RPAP2: variants seen among roughly 807,000 people sequenced by gnomAD.
RPAP2 encodes the protein RNA polymerase II associated protein 2.
A neutral mutation model predicts 73.1 loss-of-function variants in RPAP2; 52 were observed. The ratio of observed to expected loss-of-function variants is 0.71; its 90% CI spans 0.57 to 0.90. The LOEUF (loss-of-function observed/expected upper bound fraction) is 0.90, where lower values mean the gene tolerates loss of function less well. Among genes scored for constraint, RPAP2 ranks in the 40% least tolerant of loss-of-function variants. RPAP2 has a pLI of 0.00. For synonymous variants in RPAP2, 225 were observed against 242.1 expected (o/e 0.93, Z 0.65); for missense variants, 598 against 701.8 (o/e 0.85, Z 1.67).
chr1:92,323,606 C>T lies in RPAP2; in HGVS notation c.686C>T (p.Pro229Leu), dbSNP rs1174761256. ...NEQDFVSSIL[P>L]GNRPNSTNIR... Reference sequence around the variant, plus strand: ...CAAGACTTTGTTTCCTCCATTCTACCAGGAAACAGACCAAATTCAACAAAT... The same window carrying T: ...CAAGACTTTGTTTCCTCCATTCTACTAGGAAACAGACCAAATTCAACAAAT... Residue 229 changes from proline (P) to leucine (L), a missense_variant, in exon 8 of 13, where the codon CCA (proline) becomes CTA (leucine). By Grantham distance (98) the Pro-to-Leu change is moderately conservative. Around this residue, in one of 3 missense-constraint regions of RPAP2, gnomAD observed 506 missense variants for 612.8 expected, o/e 0.83. Transcript: ENST00000610020. 5.0e-6 allele frequency: 8 copies of T among 1,613,844 alleles called. No homozygotes were observed. The African/African-American group carries it at 1.1e-4, about 22-fold the overall frequency.
chr1:92,299,550 T>TC (rs1381856959), intron 1 of RPAP2, among the ~76,000 whole-genome samples: 1 of 152,004 alleles, frequency 6.6e-6, no homozygotes. Flanking sequence ...ACTCCCCTCT[T>TC]CCCCCAGAGA....
Position 92,390,045 on chromosome 1 carries a change from C to T in RPAP2, c.*3034C>T, listed in dbSNP as rs564008832. 4 of 152,262 alleles carry T rather than the reference C, an allele frequency of 2.6e-5. No individual in the cohort carries two copies. Among genetic ancestry groups the T allele is most frequent in the South Asian group, 2.1e-4 (1 of 4,826 alleles). 9.4% of individuals were successfully genotyped at this position (152,262 alleles called of 1,614,324 possible). ...ATTCAAATTCAGGAAATACAGAGAA[C>T]ACCACAAAGATACTCCTCAAGAAGA... On this transcript the variant is annotated 3_prime_UTR_variant, in exon 13 of 13. Transcript: ENST00000610020.
chr1:92,379,541 A>C (rs1238608119), intron 11 of RPAP2, among the ~76,000 whole-genome samples: 1 of 152,226 alleles, frequency 6.6e-6, no homozygotes, highest in African/African-American at 2.4e-5. Flanking sequence ...AATCTTTAGG[A>C]GTACTTACTG....
At chr1:92,377,261 C>T (rs1655417419) in intron 11 of RPAP2, among the ~76,000 whole-genome samples, 1 of 151,928 alleles carries the variant, frequency 6.6e-6, no homozygotes, top group Non-Finnish European at 1.5e-5. Flanking sequence ...TGGCTCATGC[C>T]TGTAATCTCA....
chr1:92,343,107 T>G (rs1653689058), intron 10 of RPAP2, among the ~76,000 whole-genome samples: 1 of 151,214 alleles, frequency 6.6e-6, no homozygotes, highest in African/African-American at 2.4e-5. Context: ...AGAAGAGACC[T>G]AAGGCCAGAG....
chr1:92,341,705 C>T (rs1025339303), intron 10 of RPAP2, among the ~76,000 whole-genome samples: 12 of 152,182 alleles, frequency 7.9e-5, no homozygotes, highest in African/African-American at 1.7e-4. Flanking sequence ...AGTGCAGTGG[C>T]ATAATCTTGG....
chr1:92,377,516 C>CAAAAAAAAAAAAAAAAAAAAAAAA (rs530908177), intron 11 of RPAP2, among the ~76,000 whole-genome samples: 1 of 76,608 alleles, frequency 1.3e-5, no homozygotes, highest in African/African-American at 5.3e-5. Flanking sequence ...AACTTTGTCT[C>CAAAAAAAAAAAAAAAAAAAAAAAA]AAAAAAAAAA....
At chr1:92,351,467 T>C (rs1393245194) in intron 11 of RPAP2, among the ~76,000 whole-genome samples, 1 of 152,146 alleles carries the variant, frequency 6.6e-6, no homozygotes, top group Non-Finnish European at 1.5e-5. Context: ...CTTTTAATCA[T>C]GGTCACAGTA....
intron 11 of RPAP2, among the ~76,000 whole-genome samples, chr1:92,357,872 T>C (rs1389855531): frequency 6.6e-6 from 1 of 152,202 alleles, no homozygotes; most frequent in African/African-American, 2.4e-5. Context: ...CTTAATTCAG[T>C]GGGTAATGAA....
At chr1:92,338,371 C>T (rs1023282464) in intron 10 of RPAP2, among the ~76,000 whole-genome samples, 1 of 152,202 alleles carries the variant, frequency 6.6e-6, no homozygotes, top group Admixed American at 6.5e-5. Context: ...AAGTCCAAAG[C>T]TGAACTTGTC....
chr1:92,387,036 A>C lies in RPAP2; in HGVS notation c.*25A>C. 10 of 1,584,690 alleles carry C rather than the reference A, an allele frequency of 6.3e-6. No individual in the cohort carries two copies. Among genetic ancestry groups the C allele is most frequent in the Non-Finnish European group, 8.6e-6 (10 of 1,159,784 alleles). On this transcript the variant is annotated 3_prime_UTR_variant, in exon 13 of 13. Coordinates refer to ENST00000610020, the MANE Select transcript of RPAP2 (RefSeq NM_024813.3). ...ATATATTCCATGAAGACAAAATAGAAGATGAACTTCTATTCACCGTTTCTG... is the reference window on the plus strand; with the variant it reads ...ATATATTCCATGAAGACAAAATAGACGATGAACTTCTATTCACCGTTTCTG...
At position 92,382,887 on chromosome 1, in the gene RPAP2, T is replaced by C. The variant is rs1177174873; in HGVS notation, c.1838+2014T>C. ...GTATTGCCTAGGTTTTCTTCTAGGG[T>C]TTTTATGGTTTTAGGTCTAACATGT... is the stretch of plus-strand genomic sequence containing the variant. On this transcript the variant is annotated intron_variant, in intron 12 of 12. Transcript: ENST00000610020. Among the ~76,000 whole-genome samples, 4 of 152,054 alleles carry C rather than the reference T, an allele frequency of 2.6e-5. No individual in the cohort carries two copies. The East Asian group carries it at 7.7e-4, about 29-fold the overall frequency.
At chr1:92,300,410 C>G (rs1650747173) in intron 2 of RPAP2, among the ~76,000 whole-genome samples, 171 bp downstream of exon 2, 1 of 151,980 alleles carries the variant, frequency 6.6e-6, no homozygotes, top group Non-Finnish European at 1.5e-5. Context: ...TTACATTCCT[C>G]TACTCCAGGC....
At chr1:92,335,106 G>A (rs1191049511) in intron 9 of RPAP2, among the ~76,000 whole-genome samples, 1 of 152,152 alleles carries the variant, frequency 6.6e-6, no homozygotes, top group Non-Finnish European at 1.5e-5. Context: ...GATTATGCTC[G>A]TGATTAAACT....
At chr1:92,363,069 A>C (rs111573731) in intron 11 of RPAP2, among the ~76,000 whole-genome samples, 1 of 152,090 alleles carries the variant, frequency 6.6e-6, no homozygotes. Flanking sequence ...CTCCAGGGGG[A>C]AAAAAATGCA....
chr1:92,309,975 A>G (rs1651494057), intron 6 of RPAP2, among the ~76,000 whole-genome samples: 1 of 152,242 alleles, frequency 6.6e-6, no homozygotes, highest in Admixed American at 6.5e-5. Flanking sequence ...AAGAATCATA[A>G]TTAAAAGAGC....
intron 11 of RPAP2, among the ~76,000 whole-genome samples, chr1:92,348,711 A>G (rs1055580990): frequency 3.3e-5 from 5 of 152,104 alleles, no homozygotes; most frequent in Non-Finnish European, 7.4e-5. Context: ...TCACCTTTTT[A>G]TAGCAAATAC....
chr1:92,348,110 C>T (rs557106489), intron 11 of RPAP2, among the ~76,000 whole-genome samples: 18 of 152,216 alleles, frequency 1.2e-4, no homozygotes, highest in Admixed American at 9.8e-4. Context: ...AGGCTGGTCT[C>T]GAACTCCTGA....
In RPAP2 at chr1:92,323,712, A is replaced by G; in HGVS notation, c.792A>G (p.Glu264=). 6.2e-7 allele frequency: 1 copy of G among 1,614,124 alleles called. No homozygotes were observed. The highest frequency in any genetic ancestry group is 8.5e-7 in the Non-Finnish European group (1 of 1,179,994). ...HKANSKHKDK[E]QTVVDVTEQL... ...CTAACTCCAAACACAAAGACAAAGA[A>G]CAGACAGTAGTAGATGTCACTGAGC... The change falls in exon 8 of 13, where the codon GAA becomes GAG. Residue 264 remains glutamate, a synonymous_variant. Coordinates refer to ENST00000610020, the MANE Select transcript of RPAP2 (RefSeq NM_024813.3).
Sources: allele counts gnomAD v4.1 joint callset (sites outside exome capture counted in the v4.1 genomes callset), GRCh38; gene constraint gnomAD v4.1.1; regional missense constraint gnomAD v4.1.1; transcripts MANE v1.5; gene names NCBI Gene and HGNC (gene_info 2026-07-23, HGNC 2026-07-21).